Variants in CCDC6 observed in about 807,000 individuals in gnomAD.
The protein encoded by CCDC6 is coiled-coil domain-containing protein 6.
CCDC6 carries 20 observed loss-of-function variants against 56.6 expected under a neutral mutation model. The ratio of observed to expected loss-of-function variants is 0.35; its 90% CI spans 0.25 to 0.51. CCDC6 has a LOEUF of 0.51. Ranked by LOEUF, CCDC6 falls within the 20% of genes least tolerant of loss-of-function variation. CCDC6 has a pLI of 0.95. For synonymous variants in CCDC6, 241 were observed against 234.4 expected, an observed-to-expected ratio of 1.03 and a Z score of -0.26; for missense variants, 367 against 601.1, an observed-to-expected ratio of 0.61 and a Z score of 4.07.
At chr10:59,852,814 G>A (rs2071050360) in intron 1 of CCDC6, 112 bp from the exon 2 acceptor site, 3 of 832,824 alleles carry the variant, frequency 3.6e-6, no homozygotes, top group Non-Finnish European at 5.2e-6. Context: ...ATTTTAAATA[G>A]AGCTCTATTT....
intron 1 of CCDC6, among the ~76,000 whole-genome samples, chr10:59,898,337 T>C (rs1300114879): frequency 6.6e-6 from 1 of 152,218 alleles, no homozygotes; most frequent in African/African-American, 2.4e-5. Context: ...TCAGCATAAA[T>C]TGAGCAACAG....
intron 1 of CCDC6, among the ~76,000 whole-genome samples, chr10:59,885,922 G>A (rs3793873): frequency 5.0e-5 from 1 of 19,824 alleles, no homozygotes; most frequent in Admixed American, 8.3e-4. Flanking sequence ...CCCGCCCCCC[G>A]CCCCCCCAAC....
At chr10:59,882,986 G>A (rs1391243147) in intron 1 of CCDC6, among the ~76,000 whole-genome samples, 1 of 151,786 alleles carries the variant, frequency 6.6e-6, no homozygotes, top group African/African-American at 2.4e-5. Flanking sequence ...AAAATTAGGT[G>A]AGGGGTGTAA....
chr10:59,823,630 A>G (rs1229347055), intron 3 of CCDC6, among the ~76,000 whole-genome samples: 3 of 152,198 alleles, frequency 2.0e-5, no homozygotes, highest in Admixed American at 2.0e-4. Context: ...CCCTAATGTG[A>G]TTTATCCAAA....
At chr10:59,820,464 T>G (rs1373947090) in intron 3 of CCDC6, among the ~76,000 whole-genome samples, 1 of 152,164 alleles carries the variant, frequency 6.6e-6, no homozygotes, top group African/African-American at 2.4e-5. Context: ...AACTACGACA[T>G]GTACTAATCC....
In CCDC6 at chr10:59,902,654, C is replaced by G. The variant is rs554373266; in HGVS notation, c.303+3468G>C. Among the ~76,000 whole-genome samples the G allele has an allele frequency of 4.6e-5, 7 of 152,276 alleles. No homozygotes were observed. The East Asian group carries it at 1.4e-3, about 29-fold the overall frequency. On this transcript the variant is annotated intron_variant, in intron 1 of 8. Transcript: ENST00000263102. ...CCTGAGGTGATCCGCCTGCCTTGGC[C>G]TCCCCAAAGTGCTGGGATTACAGGC...
intron 6 of CCDC6, among the ~76,000 whole-genome samples, chr10:59,806,068 C>T (rs1366553887): frequency 2.0e-5 from 3 of 152,228 alleles, no homozygotes; most frequent in Non-Finnish European, 4.4e-5. Flanking sequence ...AGTCTCACCT[C>T]TCACACTAAG....
chr10:59,823,020 C>T (rs2070759861), intron 3 of CCDC6, among the ~76,000 whole-genome samples: 1 of 152,272 alleles, frequency 6.6e-6, no homozygotes, highest in South Asian at 2.1e-4. Flanking sequence ...TACAGGCAGA[C>T]TTCAGGGGAA....
At chr10:59,885,854 T>C (rs1210108286) in intron 1 of CCDC6, among the ~76,000 whole-genome samples, 1 of 151,388 alleles carries the variant, frequency 6.6e-6, no homozygotes, top group Non-Finnish European at 1.5e-5. Context: ...TTTTGAAGGA[T>C]TTATCACAGC....
intron 3 of CCDC6, among the ~76,000 whole-genome samples, chr10:59,821,254 TATTAA>T (rs2070747810): frequency 6.6e-6 from 1 of 152,202 alleles, no homozygotes; most frequent in Admixed American, 6.5e-5. Flanking sequence ...ATGAGGGGGC[TATTAA>T]AATACATCAC....
intron 1 of CCDC6, among the ~76,000 whole-genome samples, chr10:59,869,420 C>CAAAAAAA (rs2071207982): frequency 2.8e-5 from 1 of 35,566 alleles, no homozygotes; most frequent in Non-Finnish European, 5.3e-5. Context: ...AAAAAAAAAA[C>CAAAAAAA]AGAAAAAAGA....
chr10:59,796,441 A>AG (rs369759876), intron 7 of CCDC6, among the ~76,000 whole-genome samples: 1 of 152,164 alleles, frequency 6.6e-6, no homozygotes, highest in Non-Finnish European at 1.5e-5. Context: ...AGAAAAAAAA[A>AG]GGTAACAAGT....
At chr10:59,874,118 A>AACACACAC (rs55812153) in intron 1 of CCDC6, among the ~76,000 whole-genome samples, 17,554 of 148,572 alleles carry the variant, frequency 0.12, 1,157 homozygotes, top group East Asian at 0.23. Flanking sequence ...TTACCTAGCA[A>AACACACAC]ACACACACAC....
At chr10:59,884,598 G>A (rs1241658398) in intron 1 of CCDC6, among the ~76,000 whole-genome samples, 1 of 152,030 alleles carries the variant, frequency 6.6e-6, no homozygotes, top group Non-Finnish European at 1.5e-5. Flanking sequence ...AAAAGAATGG[G>A]GCAATTCTAT....
In CCDC6 at chr10:59,842,268, A is replaced by G. The variant is rs190563758; in HGVS notation, c.454-9615T>C. On this transcript the variant is annotated intron_variant, in intron 2 of 8. Coordinates refer to ENST00000263102, the MANE Select transcript of CCDC6 (RefSeq NM_005436.5). ...TACCATGCTGGTCAGGCTAGTCTTG[A>G]ACTCCTGACCTCAAATGATCTGCCC... is the stretch of plus-strand genomic sequence containing the variant. Among the ~76,000 whole-genome samples the G allele has an allele frequency of 6.1e-4, 92 of 151,436 alleles. 1 individual carries two copies. The highest frequency in any genetic ancestry group is 4.9e-3 in the Admixed American group (75 of 15,228).
intron 1 of CCDC6, among the ~76,000 whole-genome samples, chr10:59,858,492 T>G (rs530100091): frequency 6.6e-6 from 1 of 152,220 alleles, no homozygotes; most frequent in Admixed American, 6.5e-5. Flanking sequence ...AGAGAGAAAA[T>G]AGCACCAAAG....
At chr10:59,883,506 A>ACTTTC (rs138924637) in intron 1 of CCDC6, among the ~76,000 whole-genome samples, 2,599 of 152,288 alleles carry the variant, frequency 0.017, 30 homozygotes, top group Middle Eastern at 0.044. Flanking sequence ...AGAAGTCTAG[A>ACTTTC]CTTTTTCTTC....
At position 59,802,058 on chromosome 10, in the gene CCDC6, C is replaced by G. The variant is rs760020363; in HGVS notation, c.1105+2362G>C. ...CCTATTTTTTAGACCTCATTATTGCCTATCCCTAATTCAGACACATCAAAA... is the reference window on the plus strand; with the variant it reads ...CCTATTTTTTAGACCTCATTATTGCGTATCCCTAATTCAGACACATCAAAA... On this transcript the variant is annotated intron_variant, in intron 7 of 8. Coordinates refer to ENST00000263102, the MANE Select transcript of CCDC6 (RefSeq NM_005436.5). Among the ~76,000 whole-genome samples the G allele has an allele frequency of 4.5e-4, 69 of 152,282 alleles. 1 individual carries two copies. The highest frequency in any genetic ancestry group is 6.2e-4 in the Non-Finnish European group (42 of 68,038).
chr10:59,877,317 G>A (rs940829348), intron 1 of CCDC6, among the ~76,000 whole-genome samples: 6 of 152,156 alleles, frequency 3.9e-5, no homozygotes, highest in Non-Finnish European at 8.8e-5. Context: ...TAGGATGTCT[G>A]CGATCATCAA....
Sources: gnomAD v4.1 joint callset for allele counts (sites outside exome capture counted in the v4.1 genomes callset) on GRCh38, gnomAD v4.1.1 for gene constraint, MANE v1.5 for transcripts, NCBI Gene and HGNC (gene_info 2026-07-23, HGNC 2026-07-21) for gene names.